Variants in PCDHGB1 observed in about 807,000 individuals in gnomAD.
PCDHGB1 encodes the protein protocadherin gamma subfamily B, 1, also known as protocadherin gamma-B1.
In PCDHGB1, 34 loss-of-function variants were observed where a neutral mutation model predicts 56.6. That is an observed-to-expected ratio of 0.60 (90% CI 0.46 to 0.80). PCDHGB1 has a LOEUF of 0.80. Among genes scored for constraint, PCDHGB1 ranks in the 30% least tolerant of loss-of-function variants. PCDHGB1 has a pLI of 0.00. For missense variants in PCDHGB1, 1,278 were observed against 1,204.6 expected (o/e 1.06, Z -0.90); for synonymous variants, 561 against 505.9 (o/e 1.11, Z -1.46).
At chr5:141,483,670 A>G (rs1158511173) in intron 1 of PCDHGB1, among the ~76,000 whole-genome samples, 1 of 138,404 alleles carries the variant, frequency 7.2e-6, no homozygotes, top group African/African-American at 3.1e-5. Context: ...GTGTGTGTGT[A>G]AAAGAACACA....
At chr5:141,409,897 A>C (rs549955923) in intron 1 of PCDHGB1, 1 of 1,613,086 alleles carries the variant, frequency 6.2e-7, no homozygotes, top group Non-Finnish European at 8.5e-7. Context: ...TGCTGTACCC[A>C]GCTCTGGGTC....
At chr5:141,411,771 A>C (rs2095514402) in intron 1 of PCDHGB1, 1 of 151,946 alleles carries the variant, frequency 6.6e-6, no homozygotes, top group Non-Finnish European at 1.5e-5. Flanking sequence ...GGTCTCAGCT[A>C]CTCTGGTGGC....
Position 141,400,401 on chromosome 5 carries a change from G to A in PCDHGB1, c.2409+47732G>A, listed in dbSNP as rs760681088. 4 of 1,613,936 alleles carry A rather than the reference G, an allele frequency of 2.5e-6. No homozygotes were observed. The South Asian group carries it at 4.4e-5, about 18-fold the overall frequency. ...TATGTGTTGCACATACAGGAAAGAC[G>A]GAGTTTAATTTCCTAAAATGTAGTG... On this transcript the variant is annotated intron_variant, in intron 1 of 3. Transcript: ENST00000523390.
At chr5:141,478,165 C>G (rs780594020) in intron 1 of PCDHGB1, 13 of 1,613,920 alleles carry the variant, frequency 8.1e-6, no homozygotes, top group African/African-American at 1.3e-5. Flanking sequence ...GCTCTGCCCC[C>G]CGGGAGCAGA....
At chr5:141,418,672 G>A (rs1170411469) in intron 1 of PCDHGB1, 3 of 1,614,022 alleles carry the variant, frequency 1.9e-6, no homozygotes, top group Non-Finnish European at 2.5e-6. Context: ...ACCAGGACGA[G>A]GGCATCAACT....
At chr5:141,414,629 G>T in intron 1 of PCDHGB1, 1 of 1,614,000 alleles carries the variant, frequency 6.2e-7, no homozygotes. Context: ...GACCCGGACA[G>T]CAAAGAGAAT....
chr5:141,375,125 G>C (rs376049572), intron 1 of PCDHGB1: 128 of 1,613,766 alleles, frequency 7.9e-5, no homozygotes, highest in African/African-American at 1.3e-5. Context: ...ACCAGAAGTG[G>C]TTGTTACATC....
intron 1 of PCDHGB1, chr5:141,478,852 A>G (rs2099480601): frequency 7.3e-7 from 1 of 1,367,502 alleles, no homozygotes; most frequent in African/African-American, 1.5e-5. Flanking sequence ...GCTAAAACAC[A>G]AGATCTCAGC....
intron 2 of PCDHGB1, among the ~76,000 whole-genome samples, chr5:141,503,458 G>A (rs948221006): frequency 2.0e-5 from 3 of 152,018 alleles, no homozygotes; most frequent in Non-Finnish European, 4.4e-5. Flanking sequence ...CGCTGGGCAT[G>A]GTGGCATGTG....
At chr5:141,462,800 A>C (rs1039129881) in intron 1 of PCDHGB1, among the ~76,000 whole-genome samples, 2 of 152,128 alleles carry the variant, frequency 1.3e-5, no homozygotes, top group Non-Finnish European at 2.9e-5. Flanking sequence ...TTGCATGTCT[A>C]ATAATGTTTT....
At chr5:141,454,953 G>A (rs1304192945) in intron 1 of PCDHGB1, among the ~76,000 whole-genome samples, 4 of 150,686 alleles carry the variant, frequency 2.7e-5, no homozygotes, top group Admixed American at 6.6e-5. Context: ...GACTACAGGC[G>A]CCGGCCACCA....
In PCDHGB1 at chr5:141,431,028, T is replaced by C. The variant is rs367575636; in HGVS notation, c.2410-63779T>C. On this transcript the variant is annotated intron_variant, in intron 1 of 3. Transcript: ENST00000523390. This position sits in a 1 kb window ranked among gnomAD's most constrained non-coding sequence, Gnocchi z 4.8. ...GGCAGCTTGGTCACGGCGGGCAGGA[T>C]AGACCGGGAGGAGCTCTGTATGGGG... The C allele has an allele frequency of 6.2e-7, 1 of 1,613,986 alleles. No homozygotes were observed. Among genetic ancestry groups the C allele is most frequent in the Admixed American group, 1.7e-5 (1 of 60,022 alleles).
Position 141,511,913 on chromosome 5 carries a change from A to G in PCDHGB1, c.*740A>G, listed in dbSNP as rs1190072814. On this transcript the variant is annotated 3_prime_UTR_variant, in exon 4 of 4. Coordinates refer to ENST00000523390, the MANE Select transcript of PCDHGB1 (RefSeq NM_018922.3). ...CCCCCACCTCCTCCTCAAACAAGAG[A>G]CTCCACTGCATGTTCCAAGACAGTA... is the stretch of plus-strand genomic sequence containing the variant. The G allele has an allele frequency of 6.4e-6, 1 of 156,050 alleles. No individual in the cohort carries two copies. The highest frequency in any genetic ancestry group is 2.4e-5 in the African/African-American group (1 of 41,402). The allele number at this position is 156,050 out of a possible 1,614,324, so 9.7% of individuals were successfully genotyped here.
At chr5:141,502,441 GAT>G (rs2099814262) in intron 2 of PCDHGB1, among the ~76,000 whole-genome samples, 1 of 152,000 alleles carries the variant, frequency 6.6e-6, no homozygotes, top group Non-Finnish European at 1.5e-5. Flanking sequence ...GTTAGATTCA[GAT>G]TACACACCTT....
At chr5:141,436,300 G>A (rs966232889) in intron 1 of PCDHGB1, among the ~76,000 whole-genome samples, 1 of 152,180 alleles carries the variant, frequency 6.6e-6, no homozygotes, top group African/African-American at 2.4e-5. Flanking sequence ...TTGAGAGTTA[G>A]AGCATGAATA....
rs765454115 is a variant in PCDHGB1, at chr5:141,410,470, T to C, written c.2409+57801T>C. On this transcript the variant is annotated intron_variant, in intron 1 of 3. Coordinates refer to ENST00000523390, the MANE Select transcript of PCDHGB1 (RefSeq NM_018922.3). Reference sequence around the variant, plus strand: ...TGCCTTATTCTTATAATCTGTGCATTGCACATACGGGTACAAAAGAGTTTA... The same window carrying C: ...TGCCTTATTCTTATAATCTGTGCATCGCACATACGGGTACAAAAGAGTTTA... 1.9e-6 allele frequency: 3 copies of C among 1,613,922 alleles called. No individual in the cohort carries two copies. The African/African-American group carries it at 4.0e-5, about 22-fold the overall frequency.
At chr5:141,393,406 G>A (rs762034418) in intron 1 of PCDHGB1, 1 of 1,614,026 alleles carries the variant, frequency 6.2e-7, no homozygotes, top group Admixed American at 1.7e-5. Flanking sequence ...GTGCTGGAGC[G>A]CGCCCTGGAC....
At chr5:141,426,037 G>A (rs2096911238) in intron 1 of PCDHGB1, among the ~76,000 whole-genome samples, 1 of 152,176 alleles carries the variant, frequency 6.6e-6, no homozygotes, top group South Asian at 2.1e-4. Flanking sequence ...TCAGAGCCCT[G>A]CTGTTGGCCA....
chr5:141,372,199 C>A (rs1366394152), intron 1 of PCDHGB1: 1 of 1,613,572 alleles, frequency 6.2e-7, no homozygotes, highest in Non-Finnish European at 8.5e-7. Context: ...GGATACAACG[C>A]CTGGCTGTCC....
Sources: gnomAD v4.1 joint callset for allele counts (sites outside exome capture counted in the v4.1 genomes callset) on GRCh38, gnomAD v4.1.1 for gene constraint, Gnocchi (gnomAD v3.1) non-coding constraint, MANE v1.5 for transcripts, NCBI Gene and HGNC (gene_info 2026-07-23, HGNC 2026-07-21) for gene names.